Variants in LPP observed in about 807,000 individuals in gnomAD.
LPP encodes the protein lipoma-preferred partner.
A neutral mutation model predicts 60.4 loss-of-function variants in LPP; 38 were observed. The ratio of observed to expected loss-of-function variants is 0.63; its 90% CI spans 0.49 to 0.83. The LOEUF (loss-of-function observed/expected upper bound fraction) is 0.83. Among genes scored for constraint, LPP ranks in the 40% least tolerant of loss-of-function variants. The pLI, the probability that LPP is intolerant of heterozygous loss-of-function variation, is 0.00. For missense variants in LPP, 902 were observed against 783.6 expected, an observed-to-expected ratio of 1.15 and a Z score of -1.80; for synonymous variants, 328 against 290.8, an observed-to-expected ratio of 1.13 and a Z score of -1.30.
In LPP at chr3:188,676,244, A is replaced by G. The variant is rs575266929; in HGVS notation, c.1114-32023A>G. On this transcript the variant is annotated intron_variant, in intron 7 of 11. Transcript: ENST00000617246. The stretch of plus-strand genomic sequence containing the variant: ...TGCCTTGCACATAGTGGGGAGATAC[A>G]CTAAAATACTGAAACAGCTACATTG... Among the ~76,000 whole-genome samples the G allele has an allele frequency of 3.3e-5, 5 of 152,320 alleles. No individual in the cohort carries two copies. The East Asian group carries it at 5.8e-4, about 18-fold the overall frequency.
intron 6 of LPP, among the ~76,000 whole-genome samples, chr3:188,535,834 A>G (rs77351939): frequency 0.014 from 2,121 of 152,256 alleles, 25 homozygotes; most frequent in South Asian, 0.049. Context: ...CACAGAACTG[A>G]AGAAAACAGA....
chr3:188,465,144 C>T (rs573520936), intron 4 of LPP, among the ~76,000 whole-genome samples: 2 of 151,970 alleles, frequency 1.3e-5, no homozygotes, highest in Non-Finnish European at 2.9e-5. Flanking sequence ...ATGAATGTTC[C>T]TGACTGAAAT....
At chr3:188,708,606 G>A in intron 8 of LPP, 1 of 628,260 alleles carries the variant, frequency 1.6e-6, no homozygotes, top group Non-Finnish European at 2.7e-6. Context: ...TAAAATTTCA[G>A]TGGTCCTTAG....
intron 2 of LPP, among the ~76,000 whole-genome samples, chr3:188,243,759 C>T (rs1725831158): frequency 6.6e-6 from 1 of 152,112 alleles, no homozygotes; most frequent in Admixed American, 6.5e-5. Context: ...TGACTAACCT[C>T]AGTCTCTCTG....
At chr3:188,243,811 A>T (rs938359899) in intron 2 of LPP, among the ~76,000 whole-genome samples, 1 of 152,018 alleles carries the variant, frequency 6.6e-6, no homozygotes, top group African/African-American at 2.4e-5. Flanking sequence ...CTAACTAGAA[A>T]GTTCACTCTG....
chr3:188,679,276 A>G (rs985028422), intron 7 of LPP, among the ~76,000 whole-genome samples: 1 of 152,228 alleles, frequency 6.6e-6, no homozygotes, highest in Non-Finnish European at 1.5e-5. Context: ...AGATGCAGAT[A>G]ATAGCACAGG....
intron 1 of LPP, among the ~76,000 whole-genome samples, chr3:188,200,896 T>C (rs565835180): frequency 6.6e-6 from 1 of 152,342 alleles, no homozygotes; most frequent in South Asian, 2.1e-4. Context: ...AACACTGTAA[T>C]ATAATTACAC....
At chr3:188,787,791 T>C (rs565392150) in intron 9 of LPP, among the ~76,000 whole-genome samples, 4 of 152,370 alleles carry the variant, frequency 2.6e-5, no homozygotes, top group African/African-American at 9.6e-5. Flanking sequence ...TGTCTCAATC[T>C]GTACTCCTGA....
chr3:188,678,421 A>G (rs1858621011), intron 7 of LPP, among the ~76,000 whole-genome samples: 1 of 152,186 alleles, frequency 6.6e-6, no homozygotes, highest in Admixed American at 6.5e-5. Flanking sequence ...AATCAATTCT[A>G]CTGTAACCTA....
intron 7 of LPP, among the ~76,000 whole-genome samples, chr3:188,693,857 A>C (rs2149497761): frequency 6.6e-6 from 1 of 152,308 alleles, no homozygotes; most frequent in South Asian, 2.1e-4. Flanking sequence ...CACTCTTCTG[A>C]GTGAATCTTT....
At chr3:188,297,427 A>T (rs1445763608) in intron 2 of LPP, among the ~76,000 whole-genome samples, 2 of 152,244 alleles carry the variant, frequency 1.3e-5, no homozygotes, top group Non-Finnish European at 2.9e-5. Flanking sequence ...GGGAGGCTCT[A>T]ATCAAGTAGA....
At chr3:188,632,369 C>T (rs1051355199) in intron 7 of LPP, among the ~76,000 whole-genome samples, 7 of 152,140 alleles carry the variant, frequency 4.6e-5, no homozygotes, top group Non-Finnish European at 5.9e-5. Context: ...TTGATCTAAC[C>T]TATAGGACCG....
intron 5 of LPP, among the ~76,000 whole-genome samples, chr3:188,486,303 T>C (rs1047388219): frequency 6.6e-6 from 1 of 152,320 alleles, no homozygotes; most frequent in Non-Finnish European, 1.5e-5. Context: ...TCTGTATTCC[T>C]ATGTGGGCAT....
In LPP at chr3:188,311,019, A is replaced by G. The variant is rs563027028; in HGVS notation, c.-66-30644A>G. Among the ~76,000 whole-genome samples, 12 of 152,262 alleles carry G rather than the reference A, an allele frequency of 7.9e-5. 1 individual carries two copies. The South Asian group carries it at 2.5e-3, about 32-fold the overall frequency. On this transcript the variant is annotated intron_variant, in intron 2 of 11. Transcript: ENST00000617246. Reference sequence around the variant, plus strand: ...TGGAAACTGAGGTGCTGAAAGGATGAAGAACTTCCAAAAAGTCGAAGATAT... The same window carrying G: ...TGGAAACTGAGGTGCTGAAAGGATGGAGAACTTCCAAAAAGTCGAAGATAT...
At chr3:188,686,172 AC>A (rs778510110) in intron 7 of LPP, among the ~76,000 whole-genome samples, 6 of 152,202 alleles carry the variant, frequency 3.9e-5, no homozygotes, top group Non-Finnish European at 7.3e-5. Flanking sequence ...AGAGCTCTGT[AC>A]AAAATATATT....
chr3:188,379,323 G>C (rs1776220066), intron 3 of LPP, among the ~76,000 whole-genome samples: 1 of 152,112 alleles, frequency 6.6e-6, no homozygotes, highest in Admixed American at 6.5e-5. Context: ...ACCCTGATAG[G>C]GTGGGGAGAA....
chr3:188,249,890 TA>T, intron 2 of LPP, among the ~76,000 whole-genome samples: 1 of 130,680 alleles, frequency 7.7e-6, no homozygotes, highest in Non-Finnish European at 1.6e-5. Context: ...ACCCCATATA[TA>T]TATATATATA....
chr3:188,370,856 C>A (rs1011427155), intron 3 of LPP, among the ~76,000 whole-genome samples: 3 of 152,154 alleles, frequency 2.0e-5, no homozygotes, highest in Non-Finnish European at 4.4e-5. Context: ...TTTTCTCACG[C>A]CTGCGTAACT....
rs190045926 is a variant in LPP at position 188,860,247 on chromosome 3, A to C, written c.1411-5953A>C. ...ATGACCAGAATCAAGGTAGAGAATA[A>C]GTTTTTATTCCATAATTAAGTTAGG... On this transcript the variant is annotated intron_variant, in intron 9 of 11. Coordinates refer to ENST00000617246, the MANE Select transcript of LPP (RefSeq NM_001375462.1). Among the ~76,000 whole-genome samples the C allele has an allele frequency of 1.8e-4, 27 of 152,232 alleles. 1 individual carries two copies. Among genetic ancestry groups the C allele is most frequent in the African/African-American group, 5.8e-4 (24 of 41,526 alleles).
Sources: gnomAD v4.1 joint callset for allele counts (sites outside exome capture counted in the v4.1 genomes callset) on GRCh38, gnomAD v4.1.1 for gene constraint, MANE v1.5 for transcripts, NCBI Gene and HGNC (gene_info 2026-07-23, HGNC 2026-07-21) for gene names.